Variants in PCNX1 observed in about 807,000 individuals in gnomAD.
The protein encoded by PCNX1 is pecanex 1, also known as pecanex-like protein 1.
PCNX1 carries 78 observed loss-of-function variants against 242.2 expected under a neutral mutation model. The ratio of observed to expected loss-of-function variants is 0.32; its 90% confidence interval spans 0.27 to 0.39. The LOEUF (loss-of-function observed/expected upper bound fraction) is 0.39. Ranked by LOEUF, PCNX1 falls within the 10% of genes least tolerant of loss-of-function variation. PCNX1 has a pLI of 1.00. For synonymous variants in PCNX1, 1,024 were observed against 1,032.9 expected, an observed-to-expected ratio of 0.99 and a Z score of 0.17; for missense variants, 2,581 against 2,856.5, an observed-to-expected ratio of 0.90 and a Z score of 2.20.
intron 6 of PCNX1, among the ~76,000 whole-genome samples, chr14:70,987,755 T>C (rs1302087157): frequency 6.6e-6 from 1 of 152,190 alleles, no homozygotes; most frequent in African/African-American, 2.4e-5. Context: ...ACTAAGCCAT[T>C]GTTGTGATGT....
chr14:71,074,610 C>T (rs987180740), intron 27 of PCNX1, among the ~76,000 whole-genome samples: 1 of 152,168 alleles, frequency 6.6e-6, no homozygotes, highest in African/African-American at 2.4e-5. Flanking sequence ...ACCAAGGAAG[C>T]TTGCTCGAGC....
chr14:71,095,473 T>C (rs978507553), intron 30 of PCNX1, among the ~76,000 whole-genome samples: 2 of 152,210 alleles, frequency 1.3e-5, no homozygotes, highest in Non-Finnish European at 2.9e-5. Flanking sequence ...ATAACATCTC[T>C]TGAATATTCT....
At chr14:70,934,194 A>C (rs1467789000) in intron 1 of PCNX1, among the ~76,000 whole-genome samples, 1 of 152,212 alleles carries the variant, frequency 6.6e-6, no homozygotes, top group East Asian at 1.9e-4. Flanking sequence ...GTCCTATTAG[A>C]AATGTATTTG....
intron 15 of PCNX1, among the ~76,000 whole-genome samples, chr14:71,028,271 G>A (rs1037879935): frequency 6.6e-6 from 1 of 151,700 alleles, no homozygotes; most frequent in Non-Finnish European, 1.5e-5. Flanking sequence ...TTAACACATG[G>A]GCATACAGAT....
rs746771902 is a variant in PCNX1, at chr14:71,109,867, G to C, written c.6958G>C (p.Val2320Leu). ...RSHIDKAVLL[V>L]QIDDKYVTVI... ...CCACATCGACAAGGCAGTGCTTCTG[G>C]TCCAGATTGATGATAAATATGTGAC... The change falls in exon 36 of 36, where the codon GTC (valine) becomes CTC (leucine). Residue 2320 changes from valine to leucine, a missense_variant. By Grantham distance (32) the Val-to-Leu change is conservative. This residue lies in a region of PCNX1 where 432 missense variants were observed against 433.6 expected (regional missense o/e 1.00). Transcript: ENST00000304743. The C allele has an allele frequency of 2.5e-6, 4 of 1,613,304 alleles. No homozygotes were observed. In the South Asian group the frequency reaches 3.3e-5, roughly 13 times the overall value.
At chr14:71,067,716 C>T (rs1287443882) in intron 26 of PCNX1, among the ~76,000 whole-genome samples, 1 of 152,094 alleles carries the variant, frequency 6.6e-6, no homozygotes, top group Admixed American at 6.5e-5. Context: ...GATTTTAGAT[C>T]TTCTCTGCTC....
intron 30 of PCNX1, among the ~76,000 whole-genome samples, chr14:71,094,884 T>C (rs1333303086): frequency 1.3e-5 from 2 of 150,816 alleles, no homozygotes; most frequent in Non-Finnish European, 1.5e-5. Flanking sequence ...TGAGCTATGA[T>C]TGCATCACTG....
At chr14:70,952,098 A>G (rs1396856721) in intron 2 of PCNX1, among the ~76,000 whole-genome samples, 1 of 152,222 alleles carries the variant, frequency 6.6e-6, no homozygotes, top group Non-Finnish European at 1.5e-5. Context: ...GAGGAAAATA[A>G]TGGAACTCTC....
chr14:70,970,627 A>G (rs1016015903), intron 5 of PCNX1, among the ~76,000 whole-genome samples: 1 of 152,188 alleles, frequency 6.6e-6, no homozygotes, highest in Admixed American at 6.5e-5. Context: ...TAACATAGAC[A>G]GTGATGTCTA....
At chr14:71,037,955 GAA>G (rs1310540161) in intron 19 of PCNX1, among the ~76,000 whole-genome samples, 1 of 127,916 alleles carries the variant, frequency 7.8e-6, no homozygotes, top group African/African-American at 3.0e-5. Context: ...ACAAACCTGA[GAA>G]AAACAAGCAA....
rs542866785 is a variant in PCNX1, at chr14:71,108,918, C to T, written c.6616C>T (p.His2206Tyr). 4 of 1,614,244 alleles carry T rather than the reference C, an allele frequency of 2.5e-6. No homozygotes were observed. The highest frequency in any genetic ancestry group is 2.7e-5 in the African/African-American group (2 of 75,060). ...CCAAAGCATCCCAGCCTGCAAACAT[C>T]ACACTCTCGTGGGCTTTCTTGCGAC... is the stretch of plus-strand genomic sequence containing the variant. Reference protein sequence around the residue: ...SSQSIPACKHHTLVGFLATEG... With the variant: ...SSQSIPACKHYTLVGFLATEG... The change falls in exon 34 of 36, where the codon CAC (histidine) becomes TAC (tyrosine). Residue 2206 changes from histidine (H) to tyrosine (Y), a missense_variant. Physicochemically the swap from His to Tyr is moderately conservative, Grantham distance 83 (BLOSUM62 2). This residue lies in a region of PCNX1 where 432 missense variants were observed against 433.6 expected (regional missense o/e 1.00). Coordinates refer to ENST00000304743, the MANE Select transcript of PCNX1 (RefSeq NM_014982.3).
chr14:70,955,825 T>A (rs2057970872), intron 2 of PCNX1, among the ~76,000 whole-genome samples: 1 of 152,150 alleles, frequency 6.6e-6, no homozygotes, highest in Non-Finnish European at 1.5e-5. Flanking sequence ...TCTGAATTTA[T>A]AGAGAAGAAA....
intron 26 of PCNX1, among the ~76,000 whole-genome samples, chr14:71,059,112 C>G (rs1376301178): frequency 6.6e-6 from 1 of 152,070 alleles, no homozygotes; most frequent in Non-Finnish European, 1.5e-5. Context: ...TCTAACATTT[C>G]TACATATGTG....
At chr14:71,033,384 T>C in intron 16 of PCNX1, 45 bp from the exon 17 acceptor site, 2 of 969,600 alleles carry the variant, frequency 2.1e-6, no homozygotes, top group Non-Finnish European at 3.3e-6. Flanking sequence ...TGTGATATAT[T>C]ACAAATTAGA....
At chr14:70,946,711 G>A (rs1382704963) in intron 1 of PCNX1, among the ~76,000 whole-genome samples, 2 of 152,048 alleles carry the variant, frequency 1.3e-5, no homozygotes, top group Admixed American at 1.3e-4. Flanking sequence ...GTTCAAACTA[G>A]CCATATTTCA....
At chr14:71,046,936 G>A (rs769812760) in intron 20 of PCNX1, 28 bp from the exon 21 acceptor site, 1 of 1,573,808 alleles carries the variant, frequency 6.4e-7, no homozygotes, top group Middle Eastern at 2.2e-4. Flanking sequence ...TTGATGACAT[G>A]TAGTCTTGAT....
At chr14:71,081,895 C>T (rs2061863281) in intron 28 of PCNX1, among the ~76,000 whole-genome samples, 1 of 152,092 alleles carries the variant, frequency 6.6e-6, no homozygotes, top group Non-Finnish European at 1.5e-5. Flanking sequence ...TTGTCTTCTG[C>T]TACCTTTTGA....
chr14:70,978,285 A>G lies in PCNX1; in HGVS notation c.1948A>G (p.Lys650Glu), dbSNP rs776201327. 1.1e-5 allele frequency: 17 copies of G among 1,614,112 alleles called. No homozygotes were observed. Among genetic ancestry groups the G allele is most frequent in the Middle Eastern group, 1.6e-4 (1 of 6,062 alleles). The stretch of plus-strand genomic sequence containing the variant: ...TGCTCTAAAGACCAAACACACTCAT[A>G]AAGAAAGGGGCACAGACTCTGAACA... The part of the protein sequence containing the change: ...YSALKTKHTH[K>E]ERGTDSEHTH... Residue 650 changes from lysine (K) to glutamate (E), a missense_variant, in exon 6 of 36, where the codon AAA (lysine) becomes GAA (glutamate). This residue lies in a region of PCNX1 where 1,204 missense variants were observed against 1,216.7 expected (regional missense o/e 0.99). Transcript: ENST00000304743.
intron 8 of PCNX1, among the ~76,000 whole-genome samples, chr14:71,000,762 G>C (rs989222811): frequency 1.3e-5 from 2 of 152,120 alleles, no homozygotes; most frequent in African/African-American, 4.8e-5. Context: ...CTGACCTCAG[G>C]TGATCCACCC....
Sources: gnomAD v4.1 joint callset for allele counts (sites outside exome capture counted in the v4.1 genomes callset) on GRCh38, gnomAD v4.1.1 for gene constraint, gnomAD v4.1.1 regional missense constraint, MANE v1.5 for transcripts, NCBI Gene and HGNC (gene_info 2026-07-23, HGNC 2026-07-21) for gene names.